Variants in TSPAN18 observed in about 807,000 individuals in gnomAD.
TSPAN18 encodes tetraspanin 18.
Under a neutral mutation model 27.3 loss-of-function variants are expected in TSPAN18, and 14 were observed. The observed-to-expected ratio is 0.51, with a 90% CI of 0.34 to 0.80. The LOEUF is 0.80. Among genes scored for constraint, TSPAN18 ranks in the 30% least tolerant of loss-of-function variants. The pLI is 0.01. For missense variants in TSPAN18, 268 were observed against 323.9 expected (o/e 0.83, Z 1.32); for synonymous variants, 143 against 136.5 (o/e 1.05, Z -0.33).
chr11:44,910,475 G>A (rs1173511083), intron 5 of TSPAN18, among the ~76,000 whole-genome samples: 1 of 152,178 alleles, frequency 6.6e-6, no homozygotes, highest in Non-Finnish European at 1.5e-5. Flanking sequence ...AGATGGCGGG[G>A]GCCTTGGCAT....
intron 2 of TSPAN18, among the ~76,000 whole-genome samples, chr11:44,854,868 G>C (rs932108996): frequency 3.3e-5 from 5 of 152,178 alleles, no homozygotes; most frequent in Non-Finnish European, 5.9e-5. Context: ...GCTGTACTCA[G>C]ATTCTAATTT....
At chr11:44,790,465 A>G (rs1029937499) in intron 2 of TSPAN18, among the ~76,000 whole-genome samples, 3 of 137,782 alleles carry the variant, frequency 2.2e-5, no homozygotes, top group African/African-American at 5.6e-5. Flanking sequence ...GTGTGTATGC[A>G]TGTGTTCGTG....
chr11:44,778,871 C>T (rs991745683), intron 2 of TSPAN18, among the ~76,000 whole-genome samples: 1 of 152,130 alleles, frequency 6.6e-6, no homozygotes, highest in African/African-American at 2.4e-5. Context: ...AGATAGATGG[C>T]ACCCAGTGCA....
chr11:44,874,097 G>A (rs1009019541), intron 3 of TSPAN18, among the ~76,000 whole-genome samples: 4 of 152,146 alleles, frequency 2.6e-5, no homozygotes, highest in Admixed American at 6.5e-5. Flanking sequence ...AAAAGCATGA[G>A]GACACATTCC....
At chr11:44,877,206 G>A (rs1219595497) in intron 3 of TSPAN18, among the ~76,000 whole-genome samples, 1 of 152,234 alleles carries the variant, frequency 6.6e-6, no homozygotes, top group Non-Finnish European at 1.5e-5. Context: ...GGTTTCCTAC[G>A]ACGTCTGCAG....
chr11:44,814,795 G>A (rs1856788638), intron 2 of TSPAN18, among the ~76,000 whole-genome samples: 3 of 152,060 alleles, frequency 2.0e-5, no homozygotes, highest in Admixed American at 2.0e-4. Context: ...CTGCCTACTG[G>A]GTTTAAAGTC....
intron 1 of TSPAN18, among the ~76,000 whole-genome samples, chr11:44,759,912 G>A (rs529437104): frequency 2.0e-5 from 3 of 152,292 alleles, no homozygotes; most frequent in African/African-American, 7.2e-5. Context: ...TGAGAGAGTG[G>A]GAAGGTTTCA....
intron 2 of TSPAN18, among the ~76,000 whole-genome samples, chr11:44,777,233 G>GT (rs1279413995): frequency 6.6e-6 from 1 of 152,112 alleles, no homozygotes; most frequent in Non-Finnish European, 1.5e-5. Flanking sequence ...AGAGGTGTTT[G>GT]TTTTTTTCCA....
intron 3 of TSPAN18, among the ~76,000 whole-genome samples, chr11:44,905,402 T>C (rs1319359473): frequency 6.6e-6 from 1 of 152,230 alleles, no homozygotes; most frequent in African/African-American, 2.4e-5. Context: ...GCTTGAGTTC[T>C]GGCCCTTCCC....
chr11:44,828,470 A>G (rs936854058), intron 2 of TSPAN18, among the ~76,000 whole-genome samples: 19 of 152,134 alleles, frequency 1.2e-4, no homozygotes, highest in Non-Finnish European at 2.5e-4. Context: ...GGGCCTTTGC[A>G]GGGCTGGTAT....
intron 5 of TSPAN18, among the ~76,000 whole-genome samples, chr11:44,910,922 G>A (rs560553031): frequency 7.2e-5 from 11 of 152,322 alleles, no homozygotes; most frequent in African/African-American, 2.2e-4. Flanking sequence ...GAGCAGCCAT[G>A]TCTTCTTGTT....
chr11:44,764,099 A>G (rs1486998282), intron 1 of TSPAN18, among the ~76,000 whole-genome samples: 1 of 152,154 alleles, frequency 6.6e-6, no homozygotes, highest in Non-Finnish European at 1.5e-5. Flanking sequence ...ATCTCACGGT[A>G]TCTCACTCAC....
At chr11:44,736,064 A>G (rs1854785811) in intron 1 of TSPAN18, 1 of 152,220 alleles carries the variant, frequency 6.6e-6, no homozygotes, top group African/African-American at 2.4e-5. Flanking sequence ...CAGTGCAAAA[A>G]GGTTAAGTAA....
intron 1 of TSPAN18, among the ~76,000 whole-genome samples, chr11:44,739,649 A>C (rs1854883289): frequency 6.6e-6 from 1 of 152,218 alleles, no homozygotes; most frequent in African/African-American, 2.4e-5. Context: ...GAAAGTAATC[A>C]TGTCTTCCTG....
chr11:44,919,974 G>A lies in TSPAN18; in HGVS notation c.590G>A (p.Gly197Glu). Residue 197 changes from glycine (G) to glutamate (E), a missense_variant, in exon 8 of 10, where the codon GGA becomes GAA. By Grantham distance (98) the Gly-to-Glu change is moderately conservative. Coordinates refer to ENST00000520358, the MANE Select transcript of TSPAN18 (RefSeq NM_130783.5). ...VLLSREECLL[G>E]RSLFLNKQGC... Reference sequence around the variant, plus strand: ...CTGAGCCGGGAGGAGTGCCTCCTGGGAAGGAGCCTATTCCTAAACAAGCAG... The same window carrying A: ...CTGAGCCGGGAGGAGTGCCTCCTGGAAAGGAGCCTATTCCTAAACAAGCAG... 4 of 1,613,894 alleles carry A rather than the reference G, an allele frequency of 2.5e-6. No individual in the cohort carries two copies. Among genetic ancestry groups the A allele is most frequent in the South Asian group, 1.1e-5 (1 of 91,066 alleles).
chr11:44,826,665 G>C (rs1035690412), intron 2 of TSPAN18, among the ~76,000 whole-genome samples: 1 of 152,158 alleles, frequency 6.6e-6, no homozygotes, highest in African/African-American at 2.4e-5. Flanking sequence ...CTAATAGGTG[G>C]TAGAGCCAGG....
chr11:44,884,559 G>A (rs835775), intron 3 of TSPAN18, among the ~76,000 whole-genome samples: 19,865 of 152,176 alleles, frequency 0.13, 1,465 homozygotes, highest in East Asian at 0.17. Flanking sequence ...CCCCACTCGG[G>A]GCTTTGGCTA....
At chr11:44,802,609 G>GCACACACACACACACA (rs3222524) in intron 2 of TSPAN18, among the ~76,000 whole-genome samples, 12,675 of 142,370 alleles carry the variant, frequency 0.089, 739 homozygotes, top group Non-Finnish European at 0.13. Flanking sequence ...GGGAAGCACT[G>GCACACACACACACACA]CACACACACA....
intron 1 of TSPAN18, chr11:44,736,228 CTCTG>C (rs1030690343): frequency 1.2e-4 from 18 of 152,212 alleles, no homozygotes; most frequent in African/African-American, 4.1e-4. Flanking sequence ...TCAAAACACA[CTCTG>C]TCCGCAGCTA....
Sources: gnomAD v4.1 joint callset for allele counts (sites outside exome capture counted in the v4.1 genomes callset) on GRCh38, gnomAD v4.1.1 for gene constraint, MANE v1.5 for transcripts, NCBI Gene and HGNC (gene_info 2026-07-23, HGNC 2026-07-21) for gene names.